Variants in MYH15 observed in about 807,000 individuals in gnomAD.
MYH15 encodes myosin heavy chain 15.
MYH15 carries 227 observed loss-of-function variants against 240.5 expected under a neutral mutation model. That is an observed-to-expected ratio of 0.94 (90% confidence interval 0.85 to 1.05). MYH15 has a LOEUF of 1.05. MYH15 is among the 50% of genes least tolerant of loss of function. MYH15 has a pLI of 0.00. For synonymous variants in MYH15, 785 were observed against 796.7 expected, an observed-to-expected ratio of 0.99 and a Z score of 0.25; for missense variants, 2,217 against 2,247.5, an observed-to-expected ratio of 0.99 and a Z score of 0.27.
the MYH15 span, among the ~76,000 whole-genome samples, chr3:108,534,542 G>A: frequency 6.6e-6 from 1 of 151,986 alleles, no homozygotes; most frequent in Admixed American, 6.6e-5. Context: ...TTCTTTACAA[G>A]TTGTTTCTGA....
rs561115907 is a variant in MYH15, at chr3:108,383,764, A to G, written c.5632-35T>C. The G allele has an allele frequency of 2.9e-5, 43 of 1,474,438 alleles. No individual in the cohort carries two copies. In the South Asian group the frequency reaches 4.5e-4, roughly 15 times the overall value. The allele number at this position is 1,474,438 out of a possible 1,614,324, so 91.3% of individuals were successfully genotyped here. A position where few individuals can be genotyped will look rare whatever the true frequency, so the allele number is the denominator to read the frequency against. On this transcript the variant is annotated intron_variant, in intron 39 of 40. Transcript: ENST00000693548. ...TAAAAAAAAAAAAAAAGAAATCTCCATGCCTATATAGTCAGGTGTTTTTTT... is the reference window on the plus strand; with the variant it reads ...TAAAAAAAAAAAAAAAGAAATCTCCGTGCCTATATAGTCAGGTGTTTTTTT...
intron 21 of MYH15, among the ~76,000 whole-genome samples, chr3:108,448,042 T>C (rs527685432): frequency 6.9e-4 from 105 of 152,108 alleles, no homozygotes; most frequent in Non-Finnish European, 1.0e-3. Context: ...TAAAATAAGA[T>C]GTTGTCAGCC....
upstream of MYH15, among the ~76,000 whole-genome samples, chr3:108,531,471 G>A (rs577381474): frequency 1.3e-5 from 2 of 152,076 alleles, 1 homozygote; most frequent in Admixed American, 1.3e-4. Flanking sequence ...ATTTGCAGCA[G>A]GTCTCCAAGG....
chr3:108,445,203 T>C (rs2082917140), intron 21 of MYH15, among the ~76,000 whole-genome samples: 1 of 152,232 alleles, frequency 6.6e-6, no homozygotes. Context: ...AATAAGTGAA[T>C]GCATGCATAG....
chr3:108,498,152 T>C lies in MYH15; in HGVS notation c.525-7A>G. 6.2e-7 allele frequency: 1 copy of C among 1,613,264 alleles called. No individual in the cohort carries two copies. The highest frequency in any genetic ancestry group is 8.5e-7 in the Non-Finnish European group (1 of 1,179,258). On this transcript the variant is annotated splice_region_variant and splice_polypyrimidine_tract_variant and intron_variant, in intron 5 of 40. Coordinates refer to ENST00000693548, the MANE Select transcript of MYH15 (RefSeq NM_014981.3). The stretch of plus-strand genomic sequence containing the variant: ...TCCAGCACCAGATTCTCCTCTGTGA[T>C]TTGAAATTCAGTGATACAGTTAACT...
intron 25 of MYH15, among the ~76,000 whole-genome samples, chr3:108,436,089 C>T (rs1339194649): frequency 6.6e-6 from 1 of 152,074 alleles, no homozygotes; most frequent in Admixed American, 6.5e-5. Flanking sequence ...CTCTTGTCAT[C>T]GCTAATTTGA....
At chr3:108,481,009 C>T (rs2083262222) in intron 11 of MYH15, among the ~76,000 whole-genome samples, 1 of 152,098 alleles carries the variant, frequency 6.6e-6, no homozygotes, top group South Asian at 2.1e-4. Flanking sequence ...TCAACACCTC[C>T]ATTTTTAAAA....
chr3:108,498,029 T>C (rs1213703449), intron 6 of MYH15, 23 bp downstream of exon 6: 22 of 1,606,688 alleles, frequency 1.4e-5, no homozygotes, highest in Non-Finnish European at 1.8e-5. Flanking sequence ...TCATCTTTTC[T>C]ACCAAGCTAT....
the MYH15 span, among the ~76,000 whole-genome samples, chr3:108,548,073 T>C: frequency 1.3e-5 from 2 of 152,154 alleles, no homozygotes; most frequent in South Asian, 2.1e-4. Context: ...GTAATGCACA[T>C]GTCAACTATA....
At chr3:108,529,306 C>A in exon 1 of MYH15, 1 of 1,564,824 alleles carries the variant, frequency 6.4e-7, no homozygotes, top group Non-Finnish European at 8.8e-7. Flanking sequence ...TTAAAATGAT[C>A]ATATGAAGTA....
At position 108,501,728 on chromosome 3, in the gene MYH15, C is replaced by A; in HGVS notation, c.323G>T (p.Gly108Val). The A allele has an allele frequency of 6.2e-7, 1 of 1,614,058 alleles. No homozygotes were observed. The highest frequency in any genetic ancestry group is 1.3e-5 in the African/African-American group (1 of 75,016). The change falls in exon 3 of 41, where the codon GGC (glycine) becomes GTC (valine). Residue 108 changes from glycine (G) to valine (V), a missense_variant. By Grantham distance (109) the Gly-to-Val change is moderately radical. Coordinates refer to ENST00000693548, the MANE Select transcript of MYH15 (RefSeq NM_014981.3). ...ATTACACACATAGATCATCCACTGG[C>A]CATAGCGCCGCTTCAGGGTATGCAG... Reference protein sequence around the residue: ...SVLHTLKRRYGQWMIYTYSGL... With the variant: ...SVLHTLKRRYVQWMIYTYSGL...
At chr3:108,493,953 A>G (rs1008498718) in intron 7 of MYH15, among the ~76,000 whole-genome samples, 31 of 152,224 alleles carry the variant, frequency 2.0e-4, no homozygotes, top group African/African-American at 7.5e-4. Context: ...TATCAGTGAA[A>G]AGTCATAAGG....
rs553709146 is a variant in MYH15 at position 108,524,373 on chromosome 3, C to T, written c.-58+4890G>A. Among the ~76,000 whole-genome samples, 12 of 151,930 alleles carry T rather than the reference C, an allele frequency of 7.9e-5. No homozygotes were observed. The East Asian group carries it at 1.4e-3, about 17-fold the overall frequency. On this transcript the variant is annotated intron_variant, in intron 1 of 41. Transcript: ENST00000273353. ...TGTTTGTTCTGTCTACTTTTTATTT[C>T]GTTTATCTTGTCTACTTTTCTATGG...
At position 108,438,255 on chromosome 3, in the gene MYH15, C is replaced by G. The variant is rs72939867; in HGVS notation, c.3076-556G>C. On this transcript the variant is annotated intron_variant, in intron 24 of 40. Coordinates refer to ENST00000693548, the MANE Select transcript of MYH15 (RefSeq NM_014981.3). ...TCCAAGCCCCGTCACCACCTTGGTA[C>G]CCTCTTCCAGTTCATAACATTATGT... Among the ~76,000 whole-genome samples, 341 of 152,286 alleles carry G rather than the reference C, an allele frequency of 2.2e-3. 1 individual carries two copies. The highest frequency in any genetic ancestry group is 7.9e-3 in the African/African-American group (327 of 41,554).
At chr3:108,391,151 A>G (rs1474515439) in intron 37 of MYH15, among the ~76,000 whole-genome samples, 1 of 152,194 alleles carries the variant, frequency 6.6e-6, no homozygotes, top group Non-Finnish European at 1.5e-5. Flanking sequence ...TGAACAATTG[A>G]ATCCTAGTTG....
At chr3:108,417,886 T>A (rs1238899643) in intron 28 of MYH15, among the ~76,000 whole-genome samples, 1 of 152,162 alleles carries the variant, frequency 6.6e-6, no homozygotes, top group Non-Finnish European at 1.5e-5. Flanking sequence ...TATATCTTTT[T>A]ATAAATCACA....
At chr3:108,511,804 TA>T (rs2083524524), upstream of MYH15, among the ~76,000 whole-genome samples, 1 of 152,212 alleles carries the variant, frequency 6.6e-6, no homozygotes. Context: ...ACAAATCCAA[TA>T]AACTAATGTA....
the MYH15 span, among the ~76,000 whole-genome samples, chr3:108,544,437 G>A: frequency 6.6e-6 from 1 of 152,092 alleles, no homozygotes; most frequent in South Asian, 2.1e-4. Flanking sequence ...CATAAGTTGG[G>A]TGGATCATAT....
intron 1 of MYH15, among the ~76,000 whole-genome samples, chr3:108,507,453 C>G (rs62266360): frequency 1.8e-5 from 1 of 55,758 alleles, no homozygotes; most frequent in African/African-American, 7.3e-5. Context: ...AACTCAGTCA[C>G]CAACCATCAC....
Sources: gnomAD v4.1 joint callset for allele counts (sites outside exome capture counted in the v4.1 genomes callset) on GRCh38, gnomAD v4.1.1 for gene constraint, MANE v1.5 for transcripts, NCBI Gene and HGNC (gene_info 2026-07-23, HGNC 2026-07-21) for gene names.